The following MCTP2 variants were observed in gnomAD, a reference collection of about 807,000 sequenced individuals.
MCTP2 encodes the protein multiple C2 and transmembrane domain containing 2.
A neutral mutation model predicts 111.6 loss-of-function variants in MCTP2; 132 were observed. The observed-to-expected ratio is 1.18, with a 90% CI of 1.03 to 1.37. The LOEUF is 1.37. Ranked by LOEUF, MCTP2 falls within the 40% of genes most tolerant of loss-of-function variation. The probability of loss-of-function intolerance (pLI) is 0.00; values close to 1 mark genes in which losing one functional copy is unlikely to be tolerated. For missense variants in MCTP2, 1,183 were observed against 1,067.9 expected (o/e 1.11, Z -1.50); for synonymous variants, 395 against 387.7 (o/e 1.02, Z -0.22).
Position 94,483,266 on chromosome 15 carries a change from A to T in MCTP2, c.*4232A>T, listed in dbSNP as rs140473552. The T allele has an allele frequency of 6.6e-6, 1 of 152,072 alleles. No homozygotes were observed. Among genetic ancestry groups the T allele is most frequent in the Non-Finnish European group, 1.5e-5 (1 of 67,874 alleles). The allele number at this position is 152,072 out of a possible 1,614,324, so 9.4% of individuals were successfully genotyped here. A position where few individuals can be genotyped will look rare whatever the true frequency, so the allele number is the denominator to read the frequency against. Reference sequence around the variant, plus strand: ...TACATTGTTGGTTGGAGTGTAAATTAGTTCAACCGCTGTGGAAGACAGGGT... The same window carrying T: ...TACATTGTTGGTTGGAGTGTAAATTTGTTCAACCGCTGTGGAAGACAGGGT... On this transcript the variant is annotated 3_prime_UTR_variant, in exon 23 of 23. Transcript: ENST00000357742.
At chr15:94,355,882 G>A in intron 8 of MCTP2, 1 of 1,035,538 alleles carries the variant, frequency 9.7e-7, no homozygotes, top group Non-Finnish European at 1.2e-6. Flanking sequence ...CATCTGGGTG[G>A]GAGTACCGGC....
Position 94,476,794 on chromosome 15 carries a change from GT to G in MCTP2, c.2568+2del. The G allele has an allele frequency of 5.1e-6, 8 of 1,554,888 alleles. No homozygotes were observed. The highest frequency in any genetic ancestry group is 7.1e-6 in the Non-Finnish European group (8 of 1,126,600). ...TAGGGTACCGTCTGATGTTCAAAAG[GT>G]ATGTAATGAATGGTTACCACCAACA... On this transcript the variant is annotated splice_donor_variant, in intron 22 of 22. Coordinates refer to ENST00000357742, the MANE Select transcript of MCTP2 (RefSeq NM_001385001.1). LOFTEE classifies it high-confidence loss of function.
chr15:94,275,560 C>CTGTT (rs10624651), intron 1 of MCTP2, among the ~76,000 whole-genome samples: 141,932 of 152,038 alleles, frequency 0.93, 66,303 homozygotes, highest in Middle Eastern at 0.96. Context: ...TCTCCACTGT[C>CTGTT]TTTTTCTATT....
intron 8 of MCTP2, among the ~76,000 whole-genome samples, chr15:94,346,692 T>G (rs970021682): frequency 1.3e-5 from 2 of 152,128 alleles, no homozygotes; most frequent in Non-Finnish European, 2.9e-5. Context: ...TGGAAGAACA[T>G]AAAGGCTAGA....
intron 18 of MCTP2, among the ~76,000 whole-genome samples, chr15:94,441,011 T>A (rs981493959): frequency 6.6e-6 from 1 of 152,122 alleles, no homozygotes. Context: ...TTTTTTTTTA[T>A]GATGTAATCT....
At chr15:94,322,789 C>T (rs751917641) in intron 4 of MCTP2, among the ~76,000 whole-genome samples, 2 of 152,170 alleles carry the variant, frequency 1.3e-5, no homozygotes, top group Non-Finnish European at 2.9e-5. Flanking sequence ...AATAAAAAGT[C>T]ATTTTCTTGC....
intron 18 of MCTP2, 90 bp downstream of exon 18, chr15:94,440,388 A>G (rs1478223751): frequency 3.2e-6 from 5 of 1,549,690 alleles, no homozygotes; most frequent in African/African-American, 2.7e-5. Flanking sequence ...GCCCAAGTCC[A>G]TTTCGTTTGA....
intron 4 of MCTP2, among the ~76,000 whole-genome samples, chr15:94,331,552 C>T (rs993845544): frequency 6.6e-6 from 1 of 152,186 alleles, no homozygotes; most frequent in African/African-American, 2.4e-5. Context: ...CCTCCTTCCC[C>T]AGTTCCCTAG....
chr15:94,395,694 C>T (rs937394324), intron 14 of MCTP2, among the ~76,000 whole-genome samples: 3 of 152,004 alleles, frequency 2.0e-5, no homozygotes, highest in East Asian at 3.9e-4. Context: ...ATTTACTGTG[C>T]TTACTGCTTG....
chr15:94,245,384 GTATT>G lies in MCTP2; in HGVS notation c.-66+13724_-66+13727del, dbSNP rs1441342604. 1.5e-4 allele frequency among the ~76,000 whole-genome samples: 19 copies of G among 129,782 alleles called. No individual in the cohort carries two copies. In the South Asian group the frequency reaches 3.3e-3, roughly 22 times the overall value. 85.1% of individuals were successfully genotyped at this position (129,782 alleles called of 152,430 possible). A position where few individuals can be genotyped will look rare whatever the true frequency, so the allele number is the denominator to read the frequency against. On this transcript the variant is annotated intron_variant, in intron 1 of 22. Transcript: ENST00000357742. The stretch of plus-strand genomic sequence containing the variant: ...TATATATTTACATACATATGTATAT[GTATT>G]TATATACATGTGTGTATATATTTAT...
chr15:94,333,387 G>A (rs1276595259), intron 4 of MCTP2, among the ~76,000 whole-genome samples: 1 of 151,858 alleles, frequency 6.6e-6, no homozygotes, highest in East Asian at 1.9e-4. Context: ...TTTCTAGATG[G>A]GAATATTTTT....
At chr15:94,475,601 T>C (rs2074285858) in intron 21 of MCTP2, among the ~76,000 whole-genome samples, 1 of 152,216 alleles carries the variant, frequency 6.6e-6, no homozygotes, top group African/African-American at 2.4e-5. Context: ...TCATTGGGAC[T>C]GACAGCCCTT....
At chr15:94,359,287 A>G (rs3743304) in intron 10 of MCTP2, among the ~76,000 whole-genome samples, 1,868 of 152,264 alleles carry the variant, frequency 0.012, 45 homozygotes, top group East Asian at 0.086. Context: ...TGCTCATTCT[A>G]TAGATGATGA....
rs549989492 is a variant in MCTP2 at position 94,402,524 on chromosome 15, C to G, written c.2085+505C>G. ...AACCACCCCTGTCTATGAAATGTAC[C>G]CTTTTCTCTGGTGACATTGGCCCAT... On this transcript the variant is annotated intron_variant, in intron 17 of 22. Transcript: ENST00000357742. The G allele has an allele frequency of 5.2e-6, 8 of 1,551,686 alleles. No individual in the cohort carries two copies. The East Asian group carries it at 2.0e-4, about 38-fold the overall frequency.
Position 94,396,981 on chromosome 15 carries a change from A to G in MCTP2, c.1789-1980A>G, listed in dbSNP as rs191400891. 3.4e-3 allele frequency among the ~76,000 whole-genome samples: 523 copies of G among 152,366 alleles called. 1 individual carries two copies. Among genetic ancestry groups the G allele is most frequent in the Non-Finnish European group, 6.5e-3 (445 of 68,034 alleles). ...TTGTCTGTCAAGACTATTTTTATGA[A>G]TATAAAATCTCAATAAAATTTAGAA... On this transcript the variant is annotated intron_variant, in intron 14 of 22. Coordinates refer to ENST00000357742, the MANE Select transcript of MCTP2 (RefSeq NM_001385001.1).
At chr15:94,436,022 C>G (rs1349149015) in intron 17 of MCTP2, among the ~76,000 whole-genome samples, 2 of 152,086 alleles carry the variant, frequency 1.3e-5, no homozygotes, top group Non-Finnish European at 2.9e-5. Context: ...AGGGTGATAG[C>G]TTTGATCTTA....
At chr15:94,423,345 T>C (rs528493677) in intron 17 of MCTP2, among the ~76,000 whole-genome samples, 28 of 152,282 alleles carry the variant, frequency 1.8e-4, no homozygotes, top group African/African-American at 6.7e-4. Flanking sequence ...ATCACACAGC[T>C]AGTACGGTAG....
intron 1 of MCTP2, among the ~76,000 whole-genome samples, chr15:94,244,848 AT>A: frequency 7.0e-6 from 1 of 143,598 alleles, no homozygotes; most frequent in East Asian, 2.0e-4. Context: ...ATATACGTAT[AT>A]GTATACACAT....
At position 94,337,666 on chromosome 15, in the gene MCTP2, GGTGT is replaced by G. The variant is rs3068711; in HGVS notation, c.638-1608_638-1605del. Among the ~76,000 whole-genome samples the G allele has an allele frequency of 3.2e-4, 48 of 150,882 alleles. 1 individual carries two copies. In the East Asian group the frequency reaches 4.3e-3, roughly 14 times the overall value. On this transcript the variant is annotated intron_variant, in intron 4 of 22. Coordinates refer to ENST00000357742, the MANE Select transcript of MCTP2 (RefSeq NM_001385001.1). ...TTCTTCTCAGAACTGGCCCGAACAC[GGTGT>G]GTGTGTGTGTGTGTGCGCGCGCATG...
Sources: gnomAD v4.1 joint callset for allele counts (sites outside exome capture counted in the v4.1 genomes callset) on GRCh38, gnomAD v4.1.1 for gene constraint, MANE v1.5 for transcripts, NCBI Gene and HGNC (gene_info 2026-07-23, HGNC 2026-07-21) for gene names.